KDM6A: variants seen among roughly 807,000 people sequenced by gnomAD.
The protein encoded by KDM6A is lysine-specific demethylase 6A.
Under a neutral mutation model 117.6 loss-of-function variants are expected in KDM6A, and 11 were observed. That is an observed-to-expected ratio of 0.09 (90% CI 0.06 to 0.15). The LOEUF (loss-of-function observed/expected upper bound fraction) is 0.15. KDM6A is among the 10% of genes least tolerant of loss of function. The pLI, the probability that KDM6A is intolerant of heterozygous loss-of-function variation, is 1.00. For missense variants in KDM6A, 799 were observed against 1,077.3 expected (o/e 0.74, Z 3.62); for synonymous variants, 384 against 396.1 (o/e 0.97, Z 0.36).
At chrX:45,088,102 GTT>G (rs2045725715) in intron 25 of KDM6A, among the ~76,000 whole-genome samples, 1 of 111,564 alleles carries the variant, frequency 9.0e-6, no homozygotes, top group East Asian at 2.8e-4. Context: ...TGGATAAAAA[GTT>G]TTCTCTAATT....
intron 8 of KDM6A, among the ~76,000 whole-genome samples, chrX:45,045,234 C>T (rs1356072047): frequency 2.7e-5 from 3 of 111,028 alleles, no homozygotes; most frequent in African/African-American, 9.8e-5. Context: ...CTTCACTGGG[C>T]TCCTAGCAGC....
chrX:45,006,722 G>T (rs1329230152), intron 4 of KDM6A, among the ~76,000 whole-genome samples: 1 of 111,293 alleles, frequency 9.0e-6, no homozygotes, highest in Non-Finnish European at 1.9e-5. Context: ...TTTAAAAGTA[G>T]AAGGTAAAGG....
chrX:44,883,751 C>T (rs1351361821), intron 2 of KDM6A, among the ~76,000 whole-genome samples: 1 of 111,235 alleles, frequency 9.0e-6, no homozygotes, highest in East Asian at 2.8e-4. Context: ...GGTTATGAAA[C>T]ATGTAGAAAT....
chrX:45,067,653 G>GTTTTTTTTTTTTTTTTTTTTTTTTT (rs1192862756), intron 17 of KDM6A, among the ~76,000 whole-genome samples: 1 of 83,304 alleles, frequency 1.2e-5, no homozygotes, highest in African/African-American at 4.7e-5. Flanking sequence ...TCTTTTTTTT[G>GTTTTTTTTTTTTTTTTTTTTTTTTT]TTTTTTTTTT....
intron 8 of KDM6A, among the ~76,000 whole-genome samples, chrX:45,047,228 AT>A (rs200757041): frequency 1.3e-4 from 13 of 103,062 alleles, no homozygotes; most frequent in East Asian, 6.1e-4. Flanking sequence ...CTGGGGTTTG[AT>A]TTTTTTTTTA....
chrX:45,047,228 A>ATTTTT (rs200757041), intron 8 of KDM6A, among the ~76,000 whole-genome samples: 3 of 103,066 alleles, frequency 2.9e-5, no homozygotes, highest in African/African-American at 1.1e-4. Context: ...CTGGGGTTTG[A>ATTTTT]TTTTTTTTTT....
At chrX:45,012,828 T>G (rs2041824059) in intron 5 of KDM6A, among the ~76,000 whole-genome samples, 1 of 111,738 alleles carries the variant, frequency 8.9e-6, no homozygotes, top group Admixed American at 9.5e-5. Flanking sequence ...AGAATACCTG[T>G]GTGTATATAG....
chrX:45,078,339 C>A, intron 19 of KDM6A, 61 bp from the exon 20 acceptor site: 2 of 1,018,223 alleles, frequency 2.0e-6, no homozygotes, highest in Non-Finnish European at 2.7e-6. Context: ...TAATTTGGAG[C>A]ATAATATTTA....
intron 3 of KDM6A, among the ~76,000 whole-genome samples, chrX:44,967,711 C>T (rs1467458823): frequency 8.9e-6 from 1 of 112,128 alleles, no homozygotes; most frequent in Admixed American, 9.5e-5. Flanking sequence ...TCATTTTGCT[C>T]TCATCTACTT....
chrX:45,037,623 C>A, intron 7 of KDM6A, 32 bp from the exon 8 acceptor site: 1 of 1,174,448 alleles, frequency 8.5e-7, no homozygotes, highest in Admixed American at 2.2e-5. Context: ...TGTATTGTTA[C>A]TGATTTTTTT....
At chrX:44,977,014 T>C (rs1252177992) in intron 4 of KDM6A, among the ~76,000 whole-genome samples, 1 of 111,653 alleles carries the variant, frequency 9.0e-6, no homozygotes. Flanking sequence ...TTTTTGAGTG[T>C]ACTAGTTTTT....
At chrX:44,894,891 C>A (rs113629119) in intron 2 of KDM6A, among the ~76,000 whole-genome samples, 1 of 107,418 alleles carries the variant, frequency 9.3e-6, no homozygotes, top group African/African-American at 3.4e-5. Context: ...CCTCAGCCCC[C>A]GAGTAGCTGG....
At chrX:45,079,407 G>T in intron 21 of KDM6A, 56 bp downstream of exon 21, 1 of 926,760 alleles carries the variant, frequency 1.1e-6, no homozygotes. Context: ...TTTTACTTTG[G>T]AGTTTTGAAA....
At chrX:44,957,632 A>C (rs1290251483) in intron 2 of KDM6A, among the ~76,000 whole-genome samples, 1 of 111,574 alleles carries the variant, frequency 9.0e-6, no homozygotes, top group Non-Finnish European at 1.9e-5. Context: ...AGCTGGGAGG[A>C]TCTTAGTTCA....
At chrX:44,978,442 T>C (rs1189795877) in intron 4 of KDM6A, among the ~76,000 whole-genome samples, 1 of 112,292 alleles carries the variant, frequency 8.9e-6, no homozygotes, top group Non-Finnish European at 1.9e-5. Flanking sequence ...GATTTTATAA[T>C]ATGTTTTAAT....
chrX:45,022,281 TACTTA>T (rs1193347011), intron 6 of KDM6A, among the ~76,000 whole-genome samples: 6 of 112,490 alleles, frequency 5.3e-5, no homozygotes, highest in Non-Finnish European at 7.5e-5. Flanking sequence ...GAAAGTGTTC[TACTTA>T]ACTTAAGCTT....
At chrX:45,038,149 G>A (rs2042895915) in intron 8 of KDM6A, among the ~76,000 whole-genome samples, 1 of 111,191 alleles carries the variant, frequency 9.0e-6, no homozygotes, top group African/African-American at 3.3e-5. Context: ...CTTGAACCTG[G>A]GAGGTGGAGG....
chrX:44,889,190 A>G (rs768864366), intron 2 of KDM6A, among the ~76,000 whole-genome samples: 7 of 111,054 alleles, frequency 6.3e-5, no homozygotes, highest in Non-Finnish European at 1.3e-4. Context: ...AATTTTTGTA[A>G]TTTTAGTAGA....
chrX:44,984,432 A>T (rs1187074750), intron 4 of KDM6A, among the ~76,000 whole-genome samples: 2 of 110,876 alleles, frequency 1.8e-5, no homozygotes, highest in South Asian at 3.8e-4. Context: ...CCCATTTGTC[A>T]ATTTTGGCTT....
Sources: allele counts gnomAD v4.1 joint callset (sites outside exome capture counted in the v4.1 genomes callset), GRCh38; gene constraint gnomAD v4.1.1; transcripts MANE v1.5; gene names NCBI Gene and HGNC (gene_info 2026-07-23, HGNC 2026-07-21).